CCDC171: variants seen among roughly 807,000 people sequenced by gnomAD.
CCDC171 encodes the protein coiled-coil domain containing 171.
CCDC171 carries 177 observed loss-of-function variants against 168.2 expected under a neutral mutation model. That is an observed-to-expected ratio of 1.05 (90% CI 0.93 to 1.19). CCDC171 has a LOEUF of 1.19. Among genes scored for constraint, CCDC171 ranks in the 50% most tolerant of loss-of-function variants. The probability of loss-of-function intolerance (pLI) is 0.00; values close to 1 mark genes in which losing one functional copy is unlikely to be tolerated. For missense variants in CCDC171, 1,991 were observed against 1,539.0 expected, an observed-to-expected ratio of 1.29 and a Z score of -4.91; for synonymous variants, 687 against 540.8, an observed-to-expected ratio of 1.27 and a Z score of -3.75.
chr9:15,683,537 C>G (rs1183529110), intron 10 of CCDC171, among the ~76,000 whole-genome samples: 1 of 151,922 alleles, frequency 6.6e-6, no homozygotes, highest in Non-Finnish European at 1.5e-5. Context: ...ATTGTTTTTG[C>G]TAATATAAAT....
At chr9:16,074,648 A>C in the CCDC171 span, among the ~76,000 whole-genome samples, 1 of 152,212 alleles carries the variant, frequency 6.6e-6, no homozygotes, top group African/African-American at 2.4e-5. Context: ...CATCTCATCT[A>C]AGATGGTTTG....
the CCDC171 span, among the ~76,000 whole-genome samples, chr9:16,074,379 C>T: frequency 6.6e-6 from 1 of 152,168 alleles, no homozygotes; most frequent in Non-Finnish European, 1.5e-5. Context: ...AATGTACATT[C>T]TGCCATGTTG....
rs181369056 is a variant in CCDC171, at chr9:15,679,003, A to C, written c.1215+107A>C. On this transcript the variant is annotated intron_variant, in intron 10 of 25. Coordinates refer to ENST00000380701, the MANE Select transcript of CCDC171 (RefSeq NM_173550.4). ...TCCATGAGATAATAGTATGCAAGTT[A>C]TTTTAGTGACATTGATAACAAAATT... 205 of 769,258 alleles carry C rather than the reference A, an allele frequency of 2.7e-4. No homozygotes were observed. In the African/African-American group the frequency reaches 2.8e-3, roughly 11 times the overall value. 47.7% of individuals were successfully genotyped at this position (769,258 alleles called of 1,614,324 possible).
chr9:15,954,068 C>T (rs544284126), intron 25 of CCDC171, among the ~76,000 whole-genome samples: 88 of 151,252 alleles, frequency 5.8e-4, no homozygotes, highest in African/African-American at 2.1e-3. Flanking sequence ...TTTTTTCTTG[C>T]CTATCTAGCT....
intron 16 of CCDC171, among the ~76,000 whole-genome samples, chr9:15,735,478 A>G (rs968753537): frequency 6.6e-6 from 1 of 152,060 alleles, no homozygotes; most frequent in African/African-American, 2.4e-5. Context: ...CCTTGATGTA[A>G]TGTTTATTGT....
At chr9:15,890,283 C>T (rs1173867189) in intron 24 of CCDC171, among the ~76,000 whole-genome samples, 1 of 152,044 alleles carries the variant, frequency 6.6e-6, no homozygotes, top group Non-Finnish European at 1.5e-5. Flanking sequence ...ATTGCTTGCC[C>T]TTTAGAGATG....
chr9:15,743,403 C>G (rs181417387), intron 16 of CCDC171, among the ~76,000 whole-genome samples: 1 of 151,940 alleles, frequency 6.6e-6, no homozygotes, highest in Admixed American at 6.6e-5. Flanking sequence ...AACTCTTGAG[C>G]TCAAGCAATC....
the CCDC171 span, among the ~76,000 whole-genome samples, chr9:16,074,545 T>A: frequency 6.6e-6 from 1 of 152,124 alleles, no homozygotes; most frequent in African/African-American, 2.4e-5. Context: ...GTGCTTACCA[T>A]CTAGTGGGGG....
downstream of CCDC171, among the ~76,000 whole-genome samples, chr9:16,062,622 G>A (rs1422822616): frequency 1.3e-5 from 2 of 152,192 alleles, no homozygotes; most frequent in Non-Finnish European, 2.9e-5. Flanking sequence ...ATTCATTCCT[G>A]CATTCATTCA....
intron 3 of CCDC171, among the ~76,000 whole-genome samples, chr9:15,574,060 C>G (rs1237672770): frequency 6.6e-6 from 1 of 151,998 alleles, no homozygotes; most frequent in African/African-American, 2.4e-5. Context: ...ATACAGTTTT[C>G]TTAAAACAGG....
Position 15,629,036 on chromosome 9 carries a change from A to G in CCDC171, c.822+5623A>G, listed in dbSNP as rs1339028842. On this transcript the variant is annotated intron_variant, in intron 7 of 25. Transcript: ENST00000380701. ...CACACCAAAAACCCTTCTGTACATCACCATCATCAAAGACCAAAAGTAGAT... is the reference window on the plus strand; with the variant it reads ...CACACCAAAAACCCTTCTGTACATCGCCATCATCAAAGACCAAAAGTAGAT... 3.3e-5 allele frequency among the ~76,000 whole-genome samples: 5 copies of G among 152,120 alleles called. No homozygotes were observed. The South Asian group carries it at 8.3e-4, about 25-fold the overall frequency.
At chr9:15,927,032 A>G (rs1016937221) in intron 25 of CCDC171, among the ~76,000 whole-genome samples, 1 of 151,714 alleles carries the variant, frequency 6.6e-6, no homozygotes, top group East Asian at 1.9e-4. Context: ...TACAAAATAA[A>G]TATTCATTAT....
intron 25 of CCDC171, among the ~76,000 whole-genome samples, chr9:15,921,295 A>C (rs1825294372): frequency 1.3e-5 from 2 of 151,732 alleles, no homozygotes; most frequent in Non-Finnish European, 3.0e-5. Flanking sequence ...CTCAAGTGCC[A>C]GCGTCCAAAT....
chr9:15,985,413 C>T (rs1321126543), intron 3 of CCDC171, among the ~76,000 whole-genome samples: 6 of 152,210 alleles, frequency 3.9e-5, no homozygotes, highest in African/African-American at 7.2e-5. Context: ...GCAGTATCAT[C>T]ACTGTTAACA....
At chr9:15,806,027 T>C (rs965365189) in intron 21 of CCDC171, among the ~76,000 whole-genome samples, 13 of 152,210 alleles carry the variant, frequency 8.5e-5, no homozygotes, top group African/African-American at 3.1e-4. Context: ...TAGTCTAAAG[T>C]CTGTTTTGTC....
intron 24 of CCDC171, among the ~76,000 whole-genome samples, chr9:15,912,973 C>T (rs1823933072): frequency 1.3e-5 from 2 of 152,208 alleles, no homozygotes; most frequent in Non-Finnish European, 2.9e-5. Context: ...CGTTGATATT[C>T]ATCAGGGATA....
intron 11 of CCDC171, among the ~76,000 whole-genome samples, chr9:15,713,254 G>T (rs1007772330): frequency 6.6e-6 from 1 of 151,948 alleles, no homozygotes; most frequent in Non-Finnish European, 1.5e-5. Context: ...TAGTGCTGCT[G>T]CAGCTGCCTA....
At chr9:16,016,021 A>C (rs962696324) in intron 3 of CCDC171, among the ~76,000 whole-genome samples, 4 of 152,110 alleles carry the variant, frequency 2.6e-5, no homozygotes, top group African/African-American at 9.7e-5. Flanking sequence ...TCATTTGTTG[A>C]TGGACATTTA....
chr9:15,750,818 T>C (rs748055434), intron 18 of CCDC171, among the ~76,000 whole-genome samples: 3 of 152,142 alleles, frequency 2.0e-5, no homozygotes, highest in Non-Finnish European at 2.9e-5. Context: ...CCACAGCCAA[T>C]ATCATACTGA....
Sources: gnomAD v4.1 joint callset for allele counts (sites outside exome capture counted in the v4.1 genomes callset) on GRCh38, gnomAD v4.1.1 for gene constraint, MANE v1.5 for transcripts, NCBI Gene and HGNC (gene_info 2026-07-23, HGNC 2026-07-21) for gene names.